The following ADGRG6 variants were observed in gnomAD, a reference collection of about 807,000 sequenced individuals.
The protein encoded by ADGRG6 is G-protein coupled receptor 126.
ADGRG6 carries 84 observed loss-of-function variants against 142.4 expected under a neutral mutation model. The ratio of observed to expected loss-of-function variants is 0.59; its 90% CI spans 0.49 to 0.71. The LOEUF is 0.71. Among genes scored for constraint, ADGRG6 ranks in the 30% least tolerant of loss-of-function variants. The pLI, the probability that ADGRG6 is intolerant of heterozygous loss-of-function variation, is 0.00. For synonymous variants in ADGRG6, 521 were observed against 520.5 expected (o/e 1.00, Z -0.01); for missense variants, 1,367 against 1,466.6 (o/e 0.93, Z 1.11).
In ADGRG6 at chr6:142,432,710, T is replaced by C. The variant is rs74778426; in HGVS notation, c.3320-4724T>C. Among the ~76,000 whole-genome samples the C allele has an allele frequency of 7.7e-3, 1,168 of 152,304 alleles. 16 individuals carry two copies. Among genetic ancestry groups the C allele is most frequent in the East Asian group, 0.043 (224 of 5,176 alleles). ...AAAAATTGTTTTATTAAGTCAGTCT[T>C]ATCTTTAACTTTATCCTCTCTGGCT... On this transcript the variant is annotated intron_variant, in intron 22 of 24. Transcript: ENST00000367609.
intron 2 of ADGRG6, among the ~76,000 whole-genome samples, chr6:142,362,381 C>A (rs1780767071): frequency 6.6e-6 from 1 of 152,138 alleles, no homozygotes; most frequent in Non-Finnish European, 1.5e-5. Flanking sequence ...CTCAGGAAAC[C>A]ATTGTTTTAG....
intron 3 of ADGRG6, among the ~76,000 whole-genome samples, chr6:142,369,015 T>C (rs1291942810): frequency 1.3e-5 from 2 of 152,198 alleles, no homozygotes; most frequent in Non-Finnish European, 2.9e-5. Flanking sequence ...AAACGTAAAC[T>C]AAAGTCCATG....
intron 22 of ADGRG6, among the ~76,000 whole-genome samples, chr6:142,436,083 G>A (rs1451331068): frequency 6.6e-6 from 1 of 152,118 alleles, no homozygotes; most frequent in Non-Finnish European, 1.5e-5. Flanking sequence ...CAGTGAAGAT[G>A]TCCTTTGAGC....
At chr6:142,338,083 C>A (rs1473210377) in intron 2 of ADGRG6, among the ~76,000 whole-genome samples, 1 of 118,912 alleles carries the variant, frequency 8.4e-6, no homozygotes. Flanking sequence ...TGCAGTGGCG[C>A]GATCTTGGCT....
At chr6:142,412,416 G>C (rs1324419881) in intron 18 of ADGRG6, among the ~76,000 whole-genome samples, 1 of 152,098 alleles carries the variant, frequency 6.6e-6, no homozygotes, top group Non-Finnish European at 1.5e-5. Context: ...TCTTCCTGTG[G>C]GGACTGGGAG....
intron 2 of ADGRG6, among the ~76,000 whole-genome samples, chr6:142,350,693 G>C (rs898234258): frequency 6.6e-6 from 1 of 152,156 alleles, no homozygotes; most frequent in African/African-American, 2.4e-5. Context: ...GTGGAATTCA[G>C]TTTAACTTTT....
chr6:142,433,411 A>G (rs1777310399), intron 22 of ADGRG6, among the ~76,000 whole-genome samples: 1 of 152,214 alleles, frequency 6.6e-6, no homozygotes, highest in South Asian at 2.1e-4. Context: ...GATTGACTGT[A>G]TTGGCAACCT....
intron 23 of ADGRG6, among the ~76,000 whole-genome samples, chr6:142,437,893 T>TAAA (rs34175866): frequency 3.1e-4 from 44 of 140,516 alleles, no homozygotes; most frequent in African/African-American, 9.1e-4. Flanking sequence ...TTCTCAGTAT[T>TAAA]AAAAAAAAAA....
At chr6:142,334,928 A>G (rs1472462938) in intron 2 of ADGRG6, among the ~76,000 whole-genome samples, 2 of 152,214 alleles carry the variant, frequency 1.3e-5, no homozygotes, top group Non-Finnish European at 2.9e-5. Context: ...ATTTTTTGAA[A>G]GCCATATTGT....
intron 24 of ADGRG6, 30 bp from the exon 25 acceptor site, chr6:142,443,307 G>A (rs776027226): frequency 2.2e-5 from 34 of 1,561,530 alleles, no homozygotes; most frequent in Non-Finnish European, 3.0e-5. Flanking sequence ...AGCTCATCTT[G>A]AACCTAATTT....
intron 10 of ADGRG6, among the ~76,000 whole-genome samples, chr6:142,398,693 C>T (rs780194622): frequency 6.6e-6 from 1 of 152,098 alleles, no homozygotes; most frequent in Non-Finnish European, 1.5e-5. Flanking sequence ...TCATTATCAC[C>T]TATGTATTTT....
intron 2 of ADGRG6, among the ~76,000 whole-genome samples, chr6:142,365,307 C>T (rs1310700723): frequency 6.6e-6 from 1 of 152,190 alleles, no homozygotes; most frequent in Non-Finnish European, 1.5e-5. Flanking sequence ...ATTTGTTTGA[C>T]TTGGTTATAC....
intron 22 of ADGRG6, among the ~76,000 whole-genome samples, chr6:142,429,638 C>G (rs1032083870): frequency 1.3e-5 from 2 of 152,160 alleles, no homozygotes; most frequent in African/African-American, 4.8e-5. Flanking sequence ...ACACAGGCTA[C>G]TAAGGATGCT....
chr6:142,402,176 G>A (rs924681652), intron 12 of ADGRG6, 118 bp downstream of exon 12: 8 of 557,480 alleles, frequency 1.4e-5, no homozygotes, highest in African/African-American at 9.7e-5. Context: ...CATATTAAAA[G>A]GCAAATGATT....
At chr6:142,423,393 A>G (rs550875965) in intron 22 of ADGRG6, among the ~76,000 whole-genome samples, 4 of 151,934 alleles carry the variant, frequency 2.6e-5, no homozygotes, top group Admixed American at 6.6e-5. Context: ...TGGCTAGCCA[A>G]TTTTCCCAGC....
chr6:142,382,160 T>C (rs1219549367), intron 5 of ADGRG6, 141 bp downstream of exon 5: 1 of 618,752 alleles, frequency 1.6e-6, no homozygotes, highest in Admixed American at 2.8e-5. Context: ...TTTCTGCATG[T>C]GTTTTAGTTG....
At chr6:142,435,701 T>C (rs537080052) in intron 22 of ADGRG6, among the ~76,000 whole-genome samples, 2 of 152,232 alleles carry the variant, frequency 1.3e-5, no homozygotes, top group African/African-American at 4.8e-5. Flanking sequence ...TTGGAGCTTA[T>C]TATCTGCTAG....
chr6:142,411,224 A>G, intron 17 of ADGRG6, 81 bp from the exon 18 acceptor site: 1 of 781,660 alleles, frequency 1.3e-6, no homozygotes, highest in Non-Finnish European at 2.3e-6. Context: ...ACTGAGGCAA[A>G]TTTCTCTATA....
At chr6:142,431,050 G>A (rs1408928970) in intron 22 of ADGRG6, among the ~76,000 whole-genome samples, 4 of 151,084 alleles carry the variant, frequency 2.6e-5, no homozygotes, top group Admixed American at 6.6e-5. Context: ...TGAGGAAATT[G>A]CAAATTTTAC....
Sources: gnomAD v4.1 joint callset for allele counts (sites outside exome capture counted in the v4.1 genomes callset) on GRCh38, gnomAD v4.1.1 for gene constraint, MANE v1.5 for transcripts, NCBI Gene and HGNC (gene_info 2026-07-23, HGNC 2026-07-21) for gene names.